ABHD5: variants seen among roughly 807,000 people sequenced by gnomAD.
The protein encoded by ABHD5 is 1-acylglycerol-3-phosphate O-acyltransferase ABHD5.
In ABHD5, 30 loss-of-function variants were observed where a neutral mutation model predicts 44.9. That is an observed-to-expected ratio of 0.67 (90% CI 0.50 to 0.91). The LOEUF is 0.91. ABHD5 is among the 40% of genes least tolerant of loss of function. The pLI is 0.00. For missense variants in ABHD5, 399 were observed against 423.4 expected, an observed-to-expected ratio of 0.94 and a Z score of 0.50; for synonymous variants, 167 against 147.0, an observed-to-expected ratio of 1.14 and a Z score of -0.99.
At chr3:43,728,306 A>G (rs1253187637) in intron 7 of ABHD5, among the ~76,000 whole-genome samples, 1 of 152,234 alleles carries the variant, frequency 6.6e-6, no homozygotes, top group Non-Finnish European at 1.5e-5. Flanking sequence ...TAACAAATTC[A>G]GATAGTAAAG....
intron 4 of ABHD5, among the ~76,000 whole-genome samples, chr3:43,714,466 G>A (rs1000094202): frequency 6.6e-5 from 10 of 151,920 alleles, no homozygotes; most frequent in Non-Finnish European, 1.0e-4. Context: ...GGCTGTGGGC[G>A]CCACCAGGGA....
intron 3 of ABHD5, among the ~76,000 whole-genome samples, chr3:43,703,329 C>A (rs1411544761): frequency 6.6e-6 from 1 of 152,054 alleles, no homozygotes; most frequent in Non-Finnish European, 1.5e-5. Flanking sequence ...CAGGTGCATG[C>A]CACCACACTC....
chr3:43,730,347 G>C (rs1010449632), intron 7 of ABHD5, among the ~76,000 whole-genome samples: 1 of 152,200 alleles, frequency 6.6e-6, no homozygotes, highest in African/African-American at 2.4e-5. Context: ...GGAAGGGAAA[G>C]TCAAGGAAAC....
chr3:43,728,408 G>GT (rs2084892070), intron 7 of ABHD5, among the ~76,000 whole-genome samples: 1 of 152,204 alleles, frequency 6.6e-6, no homozygotes, highest in East Asian at 1.9e-4. Context: ...AGTAATGAGT[G>GT]TTTTTAAACT....
intron 3 of ABHD5, among the ~76,000 whole-genome samples, chr3:43,707,018 TAAG>T (rs993744831): frequency 6.6e-6 from 1 of 152,314 alleles, no homozygotes; most frequent in African/African-American, 2.4e-5. Context: ...TGCACTTGTT[TAAG>T]AAGGATTCTT....
chr3:43,723,410 C>G (rs900435954), downstream of ABHD5, among the ~76,000 whole-genome samples: 1 of 152,146 alleles, frequency 6.6e-6, no homozygotes, highest in Non-Finnish European at 1.5e-5. Context: ...AGGAACAGAT[C>G]CAGCTGCTAA....
intron 3 of ABHD5, among the ~76,000 whole-genome samples, chr3:43,711,257 A>T (rs989315261): frequency 2.6e-5 from 4 of 152,306 alleles, no homozygotes; most frequent in Non-Finnish European, 5.9e-5. Context: ...TTCATAGGAG[A>T]TAACTGTTGT....
At chr3:43,692,302 TC>T (rs1385256486) in intron 1 of ABHD5, among the ~76,000 whole-genome samples, 1 of 152,254 alleles carries the variant, frequency 6.6e-6, no homozygotes, top group East Asian at 1.9e-4. Flanking sequence ...ATGAACTTCC[TC>T]GTTGCACTGA....
At chr3:43,706,203 A>AGTCCGC (rs1183646373) in intron 3 of ABHD5, among the ~76,000 whole-genome samples, 1 of 152,240 alleles carries the variant, frequency 6.6e-6, no homozygotes, top group African/African-American at 2.4e-5. Context: ...GCAATAGAGC[A>AGTCCGC]GTCCGCTTGG....
chr3:43,733,774 C>T (rs1240880103), intron 7 of ABHD5: 1 of 152,206 alleles, frequency 6.6e-6, no homozygotes, highest in Non-Finnish European at 1.5e-5. Context: ...ATTTTAAAAT[C>T]TGTGTGCAAA....
intron 3 of ABHD5, among the ~76,000 whole-genome samples, chr3:43,710,294 A>G (rs1004345547): frequency 1.3e-5 from 2 of 152,224 alleles, no homozygotes; most frequent in African/African-American, 4.8e-5. Context: ...GGAGTATAAT[A>G]TTAGGACTGG....
chr3:43,704,319 A>G (rs2084588334), intron 3 of ABHD5, among the ~76,000 whole-genome samples: 1 of 152,152 alleles, frequency 6.6e-6, no homozygotes, highest in Non-Finnish European at 1.5e-5. Flanking sequence ...GATTACAGGC[A>G]TGAGCCACCG....
chr3:43,731,606 C>T (rs941634676), intron 7 of ABHD5, among the ~76,000 whole-genome samples: 5 of 152,020 alleles, frequency 3.3e-5, no homozygotes, highest in Non-Finnish European at 4.4e-5. Flanking sequence ...CCAAGGCAGG[C>T]GGATCACCTG....
At position 43,702,493 on chromosome 3, in the gene ABHD5, T is replaced by A; in HGVS notation, c.412T>A (p.Trp138Arg). The change falls in exon 3 of 7, where the codon TGG becomes AGG. Residue 138 changes from tryptophan to arginine, a missense_variant. Coordinates refer to ENST00000644371, the MANE Select transcript of ABHD5 (RefSeq NM_016006.6). ...ENQFVESIEEWRCALGLDKMI... is the reference protein window; with the variant it reads ...ENQFVESIEERRCALGLDKMI... ...TCAGTTTGTGGAATCCATTGAAGAGTGGAGATGTGCCCTAGGATTGGACAA... is the reference window on the plus strand; with the variant it reads ...TCAGTTTGTGGAATCCATTGAAGAGAGGAGATGTGCCCTAGGATTGGACAA... 1 of 1,614,078 alleles carries A rather than the reference T, an allele frequency of 6.2e-7. No individual in the cohort carries two copies. Among genetic ancestry groups the A allele is most frequent in the Non-Finnish European group, 8.5e-7 (1 of 1,180,000 alleles).
intron 6 of ABHD5, 100 bp downstream of exon 6, chr3:43,717,957 C>T (rs760411575): frequency 6.7e-7 from 1 of 1,483,314 alleles, no homozygotes; most frequent in South Asian, 1.2e-5. Flanking sequence ...TGCAGGTCAT[C>T]TGAGCCATAC....
At position 43,702,288 on chromosome 3, in the gene ABHD5, T is replaced by C. The variant is rs1207749765; in HGVS notation, c.207T>C (p.Ser69=). 1.2e-6 allele frequency: 2 copies of C among 1,605,078 alleles called. No homozygotes were observed. Among genetic ancestry groups the C allele is most frequent in the East Asian group, 2.2e-5 (1 of 44,678 alleles). The change falls in exon 3 of 7, where the codon TCT becomes TCC. Residue 69 remains serine, a synonymous_variant. Coordinates refer to ENST00000644371, the MANE Select transcript of ABHD5 (RefSeq NM_016006.6). ...ATAAAATATGGACACTGAAGTTCTC[T>C]CATAATATTTCAAATAAGACTCCAC... The part of the protein sequence containing the change: ...NGNKIWTLKF[S]HNISNKTPLV...
In ABHD5 at chr3:43,722,348, GCTGT is replaced by G. The variant is rs1287062010; in HGVS notation, c.*3821_*3824del. 6.6e-6 allele frequency: 1 copy of G among 152,186 alleles called. No individual in the cohort carries two copies. Among genetic ancestry groups the G allele is most frequent in the African/African-American group, 2.4e-5 (1 of 41,438 alleles). 9.4% of individuals were successfully genotyped at this position (152,186 alleles called of 1,614,324 possible). A position where few individuals can be genotyped will look rare whatever the true frequency, so the allele number is the denominator to read the frequency against. ...AAGCACAGAAGAGAATGTATGGTGT[GCTGT>G]CTGTTGTATAACGAAGAGACAAATG... is the stretch of plus-strand genomic sequence containing the variant. On this transcript the variant is annotated 3_prime_UTR_variant, in exon 7 of 7. Transcript: ENST00000644371.
In ABHD5 at chr3:43,711,807, G is replaced by C; in HGVS notation, c.605G>C (p.Gly202Ala). The change falls in exon 4 of 7, where the codon GGA becomes GCA. Residue 202 changes from glycine (G) to alanine (A), a missense_variant. Gly to Ala is a moderately conservative substitution (Grantham distance 60, BLOSUM62 0). Transcript: ENST00000644371. ...ATTCCAGTTTGGATCAGAGCCTTGG[G>C]AGCAGCATTGACTCCCTTTAACCCT... is the stretch of plus-strand genomic sequence containing the variant. ...RPIPVWIRAL[G>A]AALTPFNPLA... 6.2e-7 allele frequency: 1 copy of C among 1,614,190 alleles called. No individual in the cohort carries two copies. The highest frequency in any genetic ancestry group is 1.7e-5 in the Admixed American group (1 of 60,030).
chr3:43,707,300 C>T (rs1003281078), intron 3 of ABHD5, among the ~76,000 whole-genome samples: 1 of 152,176 alleles, frequency 6.6e-6, no homozygotes, highest in African/African-American at 2.4e-5. Context: ...GTCTTTATTT[C>T]TCTAGTAAAA....
Sources: gnomAD v4.1 joint callset for allele counts (sites outside exome capture counted in the v4.1 genomes callset) on GRCh38, gnomAD v4.1.1 for gene constraint, MANE v1.5 for transcripts, NCBI Gene and HGNC (gene_info 2026-07-23, HGNC 2026-07-21) for gene names.